OSBPL10: variants seen among roughly 807,000 people sequenced by gnomAD.
The protein encoded by OSBPL10 is oxysterol binding protein like 10.
OSBPL10 carries 49 observed loss-of-function variants against 81.7 expected under a neutral mutation model. The observed-to-expected ratio is 0.60, with a 90% confidence interval of 0.48 to 0.76. The LOEUF (loss-of-function observed/expected upper bound fraction) is 0.76. Ranked by LOEUF, OSBPL10 falls within the 30% of genes least tolerant of loss-of-function variation. OSBPL10 has a pLI of 0.00. For missense variants in OSBPL10, 923 were observed against 987.8 expected (o/e 0.93, Z 0.88); for synonymous variants, 419 against 383.6 (o/e 1.09, Z -1.08).
intron 1 of OSBPL10, among the ~76,000 whole-genome samples, chr3:31,897,470 T>C (rs892791491): frequency 1.7e-4 from 26 of 152,046 alleles, no homozygotes; most frequent in Admixed American, 1.7e-3. Context: ...GAAGCGAAAA[T>C]ATCTAAAGAA....
intron 8 of OSBPL10, among the ~76,000 whole-genome samples, chr3:31,675,409 T>C (rs916496027): frequency 6.6e-5 from 10 of 152,200 alleles, no homozygotes; most frequent in African/African-American, 2.4e-4. Flanking sequence ...TCATTCCAAG[T>C]CCTCCGTCAC....
rs374067773 is a variant in OSBPL10, at chr3:31,702,459, T to C, written c.1145A>G (p.Asn382Ser). 23 of 1,614,098 alleles carry C rather than the reference T, an allele frequency of 1.4e-5. No homozygotes were observed. The African/African-American group carries it at 1.9e-4, about 13-fold the overall frequency. Residue 382 changes from asparagine (N) to serine (S), a missense_variant, in exon 7 of 12, where the codon AAT becomes AGT. Physicochemically the swap from Asn to Ser is conservative, Grantham distance 46. This residue lies in a region of OSBPL10 where 514 missense variants were observed against 508.0 expected (regional missense o/e 1.01). Transcript: ENST00000396556. ...LVLSEDEKSD[N>S]EDKEETELGV... ...CAATTCCGTCTCTTCCTTATCTTCATTGTCACTTTTTTCATCTTCAGACAA... is the reference window on the plus strand; with the variant it reads ...CAATTCCGTCTCTTCCTTATCTTCACTGTCACTTTTTTCATCTTCAGACAA...
At chr3:31,757,335 A>T (rs1005903391) in intron 4 of OSBPL10, among the ~76,000 whole-genome samples, 1 of 152,170 alleles carries the variant, frequency 6.6e-6, no homozygotes, top group African/African-American at 2.4e-5. Context: ...ATAGTGGCTC[A>T]TACCTGTAAA....
intron 11 of OSBPL10, chr3:31,662,405 C>T (rs986137640): frequency 1.1e-4 from 121 of 1,151,934 alleles, no homozygotes; most frequent in Non-Finnish European, 1.3e-4. Context: ...AAAAAAGAAG[C>T]ACTTTGACAG....
rs1700065583 is a variant in OSBPL10 at position 31,661,209 on chromosome 3, A to G, written c.*863T>C. Reference sequence around the variant, plus strand: ...ACAGGAAATTCTCTTCTCTTTCCCCAAACTAAATACAAGATTGAGGCTGTG... The same window carrying G: ...ACAGGAAATTCTCTTCTCTTTCCCCGAACTAAATACAAGATTGAGGCTGTG... On this transcript the variant is annotated 3_prime_UTR_variant, in exon 12 of 12. Coordinates refer to ENST00000396556, the MANE Select transcript of OSBPL10 (RefSeq NM_017784.5). 6.6e-6 allele frequency: 1 copy of G among 152,590 alleles called. No homozygotes were observed. Among genetic ancestry groups the G allele is most frequent in the African/African-American group, 2.4e-5 (1 of 41,418 alleles). The allele number at this position is 152,590 out of a possible 1,614,324, so 9.5% of individuals were successfully genotyped here. A position where few individuals can be genotyped will look rare whatever the true frequency, so the allele number is the denominator to read the frequency against.
intron 1 of OSBPL10, among the ~76,000 whole-genome samples, chr3:31,971,753 C>CTTTTTATAATA (rs1698572412): frequency 5.0e-5 from 4 of 79,882 alleles, no homozygotes; most frequent in Non-Finnish European, 7.2e-5. Flanking sequence ...CAGCCCACCG[C>CTTTTTATAATA]CAGCTTTTAT....
chr3:31,715,430 A>G (rs1017831597), intron 6 of OSBPL10, among the ~76,000 whole-genome samples: 12 of 152,198 alleles, frequency 7.9e-5, no homozygotes, highest in Non-Finnish European at 1.3e-4. Flanking sequence ...GGCTCTAACA[A>G]TCTGGGCAGG....
chr3:31,911,835 A>C (rs978542920), intron 1 of OSBPL10, among the ~76,000 whole-genome samples: 28 of 152,152 alleles, frequency 1.8e-4, no homozygotes, highest in African/African-American at 5.8e-4. Flanking sequence ...TAGCTATATT[A>C]TGAAAGAGGT....
At chr3:31,800,853 A>G (rs1381285549) in intron 4 of OSBPL10, among the ~76,000 whole-genome samples, 1 of 152,240 alleles carries the variant, frequency 6.6e-6, no homozygotes, top group Non-Finnish European at 1.5e-5. Context: ...GCAGTTTTTC[A>G]TGCCTTTTGG....
At chr3:31,939,618 C>T (rs1329690708) in intron 1 of OSBPL10, among the ~76,000 whole-genome samples, 1 of 152,072 alleles carries the variant, frequency 6.6e-6, no homozygotes, top group East Asian at 1.9e-4. Flanking sequence ...CTACAGTCAG[C>T]AGCACACCAG....
chr3:32,071,935 T>C (rs1327188832), intron 1 of OSBPL10, among the ~76,000 whole-genome samples: 1 of 152,156 alleles, frequency 6.6e-6, no homozygotes, highest in East Asian at 1.9e-4. Flanking sequence ...ACCTGGTTTA[T>C]TGATGGCAGT....
At chr3:31,863,295 C>G (rs963666997) in intron 3 of OSBPL10, among the ~76,000 whole-genome samples, 3 of 150,832 alleles carry the variant, frequency 2.0e-5, no homozygotes, top group African/African-American at 7.4e-5. Flanking sequence ...ACTGACAGTT[C>G]ATGGAAACAG....
At chr3:31,803,778 C>T (rs1441086612) in intron 4 of OSBPL10, among the ~76,000 whole-genome samples, 1 of 152,132 alleles carries the variant, frequency 6.6e-6, no homozygotes. Context: ...CAGTTATTTT[C>T]AAAATGTCCC....
At chr3:31,969,444 G>C (rs1264377836) in intron 1 of OSBPL10, 1 of 152,160 alleles carries the variant, frequency 6.6e-6, no homozygotes, top group Non-Finnish European at 1.5e-5. Context: ...AAAAACCACC[G>C]AACACAACCC....
intron 6 of OSBPL10, among the ~76,000 whole-genome samples, chr3:31,729,517 G>A (rs549182859): frequency 5.9e-5 from 9 of 152,276 alleles, no homozygotes; most frequent in Middle Eastern, 3.4e-3. Context: ...TGCCTCCCAG[G>A]TTCAAGCAAT....
At chr3:32,059,451 CGTG>C (rs1182036086) in intron 1 of OSBPL10, among the ~76,000 whole-genome samples, 5 of 151,538 alleles carry the variant, frequency 3.3e-5, no homozygotes, top group African/African-American at 1.2e-4. Context: ...ATTAGCCAGG[CGTG>C]GTGGTGGGCA....
intron 4 of OSBPL10, among the ~76,000 whole-genome samples, chr3:31,760,249 A>T (rs1697994008): frequency 2.0e-5 from 3 of 152,156 alleles, no homozygotes. Flanking sequence ...AGGTGAAAGG[A>T]GAGGCAGTCA....
At chr3:31,886,483 G>A (rs897001625) in intron 1 of OSBPL10, among the ~76,000 whole-genome samples, 4 of 152,226 alleles carry the variant, frequency 2.6e-5, no homozygotes, top group Non-Finnish European at 5.9e-5. Context: ...GCTTCATGGA[G>A]AGGGTGGACC....
intron 4 of OSBPL10, among the ~76,000 whole-genome samples, chr3:31,820,707 G>A (rs150971155): frequency 1.8e-3 from 279 of 152,286 alleles, no homozygotes; most frequent in Non-Finnish European, 3.2e-3. Context: ...AGGACACAGT[G>A]AGAAGCCGCT....
Sources: allele counts gnomAD v4.1 joint callset (sites outside exome capture counted in the v4.1 genomes callset), GRCh38; gene constraint gnomAD v4.1.1; regional missense constraint gnomAD v4.1.1; transcripts MANE v1.5; gene names NCBI Gene and HGNC (gene_info 2026-07-23, HGNC 2026-07-21).